ANO4: variants seen among roughly 807,000 people sequenced by gnomAD.
The protein encoded by ANO4 is anoctamin-4.
A neutral mutation model predicts 141.9 loss-of-function variants in ANO4; 69 were observed. That is an observed-to-expected ratio of 0.49 (90% CI 0.40 to 0.59). The LOEUF is 0.59. ANO4 is among the 20% of genes least tolerant of loss of function. The pLI is 0.00. For synonymous variants in ANO4, 350 were observed against 394.3 expected, an observed-to-expected ratio of 0.89 and a Z score of 1.33; for missense variants, 894 against 1,162.2, an observed-to-expected ratio of 0.77 and a Z score of 3.36.
chr12:101,015,189 A>C (rs1443136178), intron 8 of ANO4, among the ~76,000 whole-genome samples: 1 of 152,172 alleles, frequency 6.6e-6, no homozygotes, highest in East Asian at 1.9e-4. Context: ...CTAAGTATGT[A>C]CAATGAAGTT....
intron 14 of ANO4, among the ~76,000 whole-genome samples, chr12:101,074,598 T>C (rs1248728744): frequency 6.6e-6 from 1 of 152,148 alleles, no homozygotes; most frequent in African/African-American, 2.4e-5. Context: ...TAGAGGACAG[T>C]CAGTAGTCTC....
intron 18 of ANO4, among the ~76,000 whole-genome samples, chr12:101,095,576 T>G: frequency 6.6e-6 from 1 of 152,208 alleles, no homozygotes; most frequent in East Asian, 1.9e-4. Flanking sequence ...TAAACCATTT[T>G]AAATCAGATT....
chr12:100,937,839 G>A lies in ANO4; in HGVS notation c.161-1476G>A, dbSNP rs527655063. 1.2e-4 allele frequency among the ~76,000 whole-genome samples: 18 copies of A among 152,226 alleles called. No homozygotes were observed. The South Asian group carries it at 3.7e-3, about 32-fold the overall frequency. Reference sequence around the variant, plus strand: ...GCCGCATCCTGTATCCTCAAAGCCAGCAGCATAGCATCTTCCAATCTTTCT... The same window carrying A: ...GCCGCATCCTGTATCCTCAAAGCCAACAGCATAGCATCTTCCAATCTTTCT... On this transcript the variant is annotated intron_variant, in intron 3 of 27. Transcript: ENST00000392977.
upstream of ANO4, among the ~76,000 whole-genome samples, chr12:100,792,273 T>C (rs2034072546): frequency 6.6e-6 from 1 of 152,178 alleles, no homozygotes; most frequent in South Asian, 2.1e-4. Context: ...TTATTTCTTT[T>C]TAAATAAGTG....
At position 101,121,418 on chromosome 12, in the gene ANO4, CT is replaced by C. The variant is rs531519320; in HGVS notation, c.2676+799del. On this transcript the variant is annotated intron_variant, in intron 26 of 27. Transcript: ENST00000392977. ...TTGCTGCAAAGGACATGGTTTCATT[CT>C]TTTTTATGGCCACATAGTATTCCAT... Among the ~76,000 whole-genome samples, 12 of 152,266 alleles carry C rather than the reference CT, an allele frequency of 7.9e-5. No homozygotes were observed. In the South Asian group the frequency reaches 2.5e-3, roughly 32 times the overall value.
chr12:100,831,921 A>C (rs1041014937), intron 1 of ANO4, among the ~76,000 whole-genome samples: 1 of 152,112 alleles, frequency 6.6e-6, no homozygotes, highest in Admixed American at 6.6e-5. Context: ...CTTGCATTTT[A>C]ATGAAAATAT....
chr12:100,904,228 C>T (rs2040733904), intron 2 of ANO4, among the ~76,000 whole-genome samples: 1 of 152,136 alleles, frequency 6.6e-6, no homozygotes, highest in Non-Finnish European at 1.5e-5. Context: ...ACCTGATATA[C>T]ATCAGTAAAC....
At position 100,956,055 on chromosome 12, in the gene ANO4, C is replaced by T. The variant is rs553223823; in HGVS notation, c.456+13520C>T. On this transcript the variant is annotated intron_variant, in intron 5 of 27. Transcript: ENST00000392977. ...CCATGAACATAATTGACATCAGATA[C>T]AATTGTTCTAGACCTTAATGACAGA... Among the ~76,000 whole-genome samples, 7 of 152,290 alleles carry T rather than the reference C, an allele frequency of 4.6e-5. 1 individual carries two copies. Among genetic ancestry groups the T allele is most frequent in the African/African-American group, 1.7e-4 (7 of 41,562 alleles).
chr12:100,937,708 G>A (rs1217610198), intron 3 of ANO4, among the ~76,000 whole-genome samples: 3 of 152,124 alleles, frequency 2.0e-5, no homozygotes, highest in Non-Finnish European at 2.9e-5. Flanking sequence ...ACTTCTGGAG[G>A]TCAGAAGTCC....
intron 3 of ANO4, 64 bp from the exon 4 acceptor site, chr12:100,939,249 CTT>C (rs1252939285): frequency 1.3e-6 from 2 of 1,501,964 alleles, no homozygotes; most frequent in African/African-American, 2.8e-5. Context: ...GATGTTTTCT[CTT>C]TTAGCATTGC....
intron 2 of ANO4, among the ~76,000 whole-genome samples, chr12:100,911,000 A>G (rs978821496): frequency 6.6e-6 from 1 of 152,122 alleles, no homozygotes; most frequent in East Asian, 1.9e-4. Flanking sequence ...CAGGAGAGAA[A>G]CATTAGGATT....
At chr12:100,941,654 TATTCATATAC>T (rs2042516542) in intron 4 of ANO4, among the ~76,000 whole-genome samples, 1 of 152,190 alleles carries the variant, frequency 6.6e-6, no homozygotes, top group Non-Finnish European at 1.5e-5. Flanking sequence ...TTGCCATGAA[TATTCATATAC>T]ATGTCTCCTA....
intron 1 of ANO4, among the ~76,000 whole-genome samples, chr12:100,858,816 C>T (rs974322699): frequency 1.3e-5 from 2 of 151,990 alleles, no homozygotes; most frequent in Non-Finnish European, 2.9e-5. Flanking sequence ...TCTTTTTCTG[C>T]TTCCACCCCC....
intron 1 of ANO4, among the ~76,000 whole-genome samples, chr12:100,870,711 G>T (rs1188392958): frequency 1.3e-5 from 2 of 152,116 alleles, no homozygotes; most frequent in Non-Finnish European, 2.9e-5. Flanking sequence ...GTATGGCAGG[G>T]TGATCTATAG....
At chr12:100,833,885 G>T (rs777442350) in intron 1 of ANO4, among the ~76,000 whole-genome samples, 6 of 152,074 alleles carry the variant, frequency 3.9e-5, no homozygotes. Context: ...ATAAGGAAAC[G>T]TATTTGTCCC....
chr12:100,899,325 C>G (rs1246870071), intron 1 of ANO4, among the ~76,000 whole-genome samples: 1 of 152,180 alleles, frequency 6.6e-6, no homozygotes, highest in African/African-American at 2.4e-5. Flanking sequence ...TCTGTTAGCT[C>G]ACACTGAGAA....
chr12:100,955,951 G>A (rs551163942), intron 5 of ANO4, among the ~76,000 whole-genome samples: 27 of 152,122 alleles, frequency 1.8e-4, no homozygotes, highest in Non-Finnish European at 2.9e-4. Flanking sequence ...AGGACTGCAC[G>A]GATTTCTCCC....
chr12:101,107,798 C>G (rs887758347), intron 22 of ANO4, among the ~76,000 whole-genome samples: 2 of 152,048 alleles, frequency 1.3e-5, no homozygotes, highest in Admixed American at 1.3e-4. Flanking sequence ...TTTAGGCACA[C>G]TGACAGCAGA....
chr12:100,831,366 C>T (rs928375832), intron 1 of ANO4, among the ~76,000 whole-genome samples: 1 of 152,130 alleles, frequency 6.6e-6, no homozygotes, highest in African/African-American at 2.4e-5. Flanking sequence ...ACATTTGCTA[C>T]AATTCCAGGT....
Sources: gnomAD v4.1 joint callset for allele counts (sites outside exome capture counted in the v4.1 genomes callset) on GRCh38, gnomAD v4.1.1 for gene constraint, MANE v1.5 for transcripts, NCBI Gene and HGNC (gene_info 2026-07-23, HGNC 2026-07-21) for gene names.